Variants in MACF1 observed in about 807,000 individuals in gnomAD.
MACF1 encodes the protein microtubule actin crosslinking factor 1.
Under a neutral mutation model 854.8 loss-of-function variants are expected in MACF1, and 193 were observed. That is an observed-to-expected ratio of 0.23 (90% CI 0.20 to 0.25). The LOEUF (loss-of-function observed/expected upper bound fraction) is 0.25. Among genes scored for constraint, MACF1 ranks in the 10% least tolerant of loss-of-function variants. MACF1 has a pLI of 1.00. For missense variants in MACF1, 7,722 were observed against 8,929.1 expected, an observed-to-expected ratio of 0.86 and a Z score of 5.45; for synonymous variants, 3,185 against 3,226.7, an observed-to-expected ratio of 0.99 and a Z score of 0.44.
At chr1:39,385,152 C>T (rs12086570) in intron 56 of MACF1, among the ~76,000 whole-genome samples, 320 of 152,288 alleles carry the variant, frequency 2.1e-3, no homozygotes, top group African/African-American at 7.3e-3. Flanking sequence ...ACTGCAACCT[C>T]GGCCTCCTGG....
intron 23 of MACF1, among the ~76,000 whole-genome samples, chr1:39,306,953 C>T (rs1299387180): frequency 6.6e-6 from 1 of 151,300 alleles, no homozygotes; most frequent in Non-Finnish European, 1.5e-5. Flanking sequence ...TAGCACATGG[C>T]AGCCTCCACC....
In MACF1 at chr1:39,444,666, TCTATTCCCA is replaced by T; in HGVS notation, c.19437_19445del (p.Tyr6480_Gln6482del). On this transcript the variant is annotated inframe_deletion, in exon 80 of 101. Transcript: ENST00000564288. The stretch of plus-strand genomic sequence containing the variant: ...CTTTCCTGCCTTTTCTTGTAGGAAC[TCTATTCCCA>T]GCTGAAAGCCAAGGAAGAGACTTAT... The T allele has an allele frequency of 6.2e-7, 1 of 1,609,784 alleles. No homozygotes were observed. The highest frequency in any genetic ancestry group is 8.5e-7 in the Non-Finnish European group (1 of 1,177,046).
chr1:39,453,958 C>A, intron 88 of MACF1, 108 bp downstream of exon 88: 1 of 1,324,714 alleles, frequency 7.5e-7, no homozygotes, highest in African/African-American at 1.5e-5. Context: ...CTGTGAATAA[C>A]TCAGCAAAAA....
At chr1:39,456,289 G>A (rs138078206) in intron 89 of MACF1, among the ~76,000 whole-genome samples, 6,199 of 152,180 alleles carry the variant, frequency 0.041, 368 homozygotes, top group African/African-American at 0.13. Flanking sequence ...AGCTGTGATC[G>A]CACCATTGCA....
At position 39,332,978 on chromosome 1, in the gene MACF1, C is replaced by T. The variant is rs376225156; in HGVS notation, c.6390C>T (p.His2130=). 3.7e-6 allele frequency: 6 copies of T among 1,614,018 alleles called. No homozygotes were observed. In the South Asian group the frequency reaches 4.4e-5, roughly 12 times the overall value. ...TCAGAGAAAATGCCAGCAGGGGACACCTCCTGACCATACCTCCTGCTGAGG... is the reference window on the plus strand; with the variant it reads ...TCAGAGAAAATGCCAGCAGGGGACATCTCCTGACCATACCTCCTGCTGAGG... ...VSVRENASRG[H]LLTIPPAEAE... The change falls in exon 37 of 101, where the codon CAC becomes CAT. Residue 2130 remains histidine (H), a synonymous_variant. Coordinates refer to ENST00000564288, the MANE Select transcript of MACF1 (RefSeq NM_001394062.1).
At chr1:39,380,212 T>C (rs745893799) in intron 54 of MACF1, 32 bp from the exon 55 acceptor site, 2 of 1,605,770 alleles carry the variant, frequency 1.2e-6, no homozygotes, top group Non-Finnish European at 1.7e-6. Flanking sequence ...CTGTCCAGAA[T>C]CTCATGGCAT....
intron 2 of MACF1, among the ~76,000 whole-genome samples, chr1:39,090,709 G>T (rs535428773): frequency 3.3e-5 from 5 of 152,324 alleles, no homozygotes; most frequent in African/African-American, 1.2e-4. Flanking sequence ...GGAAGGACTG[G>T]TTACTTTGGG....
intron 43 of MACF1, 130 bp downstream of exon 43, chr1:39,351,148 C>T: frequency 1.5e-6 from 1 of 658,278 alleles, no homozygotes; most frequent in Non-Finnish European, 2.5e-6. Flanking sequence ...ACTTCAGGAG[C>T]TAGTCTGGTT....
chr1:39,269,733 G>A, intron 6 of MACF1: 1 of 1,281,388 alleles, frequency 7.8e-7, no homozygotes, highest in Non-Finnish European at 1.0e-6. Context: ...AGGTGGGCAT[G>A]TTCAAGAGAT....
chr1:39,439,605 T>A, intron 72 of MACF1, 105 bp downstream of exon 72: 1 of 880,726 alleles, frequency 1.1e-6, no homozygotes, highest in South Asian at 1.8e-5. Context: ...GCTGAGTACC[T>A]TAAAGGTTTT....
Position 39,333,378 on chromosome 1 carries a change from G to C in MACF1, c.6790G>C (p.Asp2264His). 1 of 1,614,138 alleles carries C rather than the reference G, an allele frequency of 6.2e-7. No homozygotes were observed. Among genetic ancestry groups the C allele is most frequent in the African/African-American group, 1.3e-5 (1 of 75,048 alleles). ...MMMSEKTDEE[D>H]SGREIFLSCS... ...GATGTCAGAAAAGACCGATGAGGAAGATAGTGGCAGGGAAATTTTTCTGTC... is the reference window on the plus strand; with the variant it reads ...GATGTCAGAAAAGACCGATGAGGAACATAGTGGCAGGGAAATTTTTCTGTC... The change falls in exon 37 of 101, where the codon GAT (aspartate) becomes CAT (histidine). Residue 2264 changes from aspartate to histidine, a missense_variant. This residue lies in a region of MACF1 where 1,531 missense variants were observed against 1,601.6 expected (regional missense o/e 0.96). Coordinates refer to ENST00000564288, the MANE Select transcript of MACF1 (RefSeq NM_001394062.1).
chr1:39,156,814 A>C (rs1643697911), intron 2 of MACF1, among the ~76,000 whole-genome samples: 1 of 152,152 alleles, frequency 6.6e-6, no homozygotes, highest in Non-Finnish European at 1.5e-5. Flanking sequence ...ATCAAGTTGC[A>C]TTTTGAGAAA....
chr1:39,357,899 G>C lies in MACF1; in HGVS notation c.11943+6G>C. On this transcript the variant is annotated splice_donor_region_variant and intron_variant, in intron 45 of 100. Coordinates refer to ENST00000564288, the MANE Select transcript of MACF1 (RefSeq NM_001394062.1). The stretch of plus-strand genomic sequence containing the variant: ...ACACTGCTCTCCACTCAAAGGTAAG[G>C]GGGCAGTTCCTGGCATCCTTGGTGA... 1 of 1,599,620 alleles carries C rather than the reference G, an allele frequency of 6.3e-7. No homozygotes were observed. Among genetic ancestry groups the C allele is most frequent in the Non-Finnish European group, 8.5e-7 (1 of 1,173,390 alleles).
chr1:39,290,918 G>T (rs184885370), intron 15 of MACF1, among the ~76,000 whole-genome samples: 5 of 144,670 alleles, frequency 3.5e-5, no homozygotes, highest in African/African-American at 5.1e-5. Context: ...CAGGTGATCC[G>T]CCCACCTTGG....
upstream of MACF1, among the ~76,000 whole-genome samples, chr1:39,201,955 CTTTTTTTTTTT>C (rs748333630): frequency 9.5e-5 from 5 of 52,360 alleles, no homozygotes; most frequent in African/African-American, 3.5e-4. Context: ...TGCTCATATT[CTTTTTTTTTTT>C]TTTTTTTTTT....
chr1:39,384,446 C>T (rs539698807), intron 56 of MACF1, among the ~76,000 whole-genome samples: 1 of 152,292 alleles, frequency 6.6e-6, no homozygotes, highest in South Asian at 2.1e-4. Flanking sequence ...TTACTGTCCT[C>T]ATTTTACAGA....
intron 31 of MACF1, among the ~76,000 whole-genome samples, chr1:39,321,404 T>G (rs990235252): frequency 2.0e-5 from 3 of 152,246 alleles, no homozygotes; most frequent in African/African-American, 7.2e-5. Flanking sequence ...TTAATGTTCT[T>G]ACTACTATTT....
intron 6 of MACF1, among the ~76,000 whole-genome samples, chr1:39,279,171 A>C (rs1645495882): frequency 6.6e-6 from 1 of 152,146 alleles, no homozygotes; most frequent in Non-Finnish European, 1.5e-5. Context: ...TCTTCTGTAG[A>C]AATGTACCTG....
intron 2 of MACF1, among the ~76,000 whole-genome samples, chr1:39,246,005 C>T (rs1451903440): frequency 6.6e-6 from 1 of 152,230 alleles, no homozygotes; most frequent in Non-Finnish European, 1.5e-5. Context: ...CTTTCTTAGT[C>T]TTTATCCTCC....
Sources: allele counts gnomAD v4.1 joint callset (sites outside exome capture counted in the v4.1 genomes callset), GRCh38; gene constraint gnomAD v4.1.1; regional missense constraint gnomAD v4.1.1; transcripts MANE v1.5; gene names NCBI Gene and HGNC (gene_info 2026-07-23, HGNC 2026-07-21).